SCAPER: variants seen among roughly 807,000 people sequenced by gnomAD.
SCAPER encodes the protein S-phase cyclin A associated protein in the ER.
SCAPER carries 98 observed loss-of-function variants against 182.2 expected under a neutral mutation model. The ratio of observed to expected loss-of-function variants is 0.54; its 90% CI spans 0.46 to 0.64. The LOEUF is 0.64. SCAPER is among the 30% of genes least tolerant of loss of function. The pLI is 0.00. For synonymous variants in SCAPER, 605 were observed against 564.6 expected, an observed-to-expected ratio of 1.07 and a Z score of -1.01; for missense variants, 1,432 against 1,690.0, an observed-to-expected ratio of 0.85 and a Z score of 2.68.
At chr15:76,416,906 A>G (rs1477437446) in intron 26 of SCAPER, among the ~76,000 whole-genome samples, 2 of 152,154 alleles carry the variant, frequency 1.3e-5, no homozygotes, top group African/African-American at 2.4e-5. Flanking sequence ...AGTGAATTAA[A>G]AAAGTATATG....
At chr15:76,500,243 A>C (rs963521466) in intron 24 of SCAPER, among the ~76,000 whole-genome samples, 3 of 152,156 alleles carry the variant, frequency 2.0e-5, no homozygotes, top group African/African-American at 7.2e-5. Flanking sequence ...TGTATGAAAA[A>C]CTGTGTCCAC....
intron 21 of SCAPER, among the ~76,000 whole-genome samples, chr15:76,652,367 C>CATATATATATAT (rs1226261626): frequency 8.4e-5 from 2 of 23,868 alleles, no homozygotes; most frequent in Non-Finnish European, 1.3e-4. Context: ...CACACACACA[C>CATATATATATAT]ACACATATAT....
At chr15:76,459,519 T>C (rs904219968) in intron 25 of SCAPER, among the ~76,000 whole-genome samples, 5 of 146,420 alleles carry the variant, frequency 3.4e-5, no homozygotes, top group African/African-American at 1.3e-4. Context: ...TGTCTTTTGC[T>C]CACTTTTTAA....
chr15:76,500,476 C>T (rs1218253290), intron 24 of SCAPER, among the ~76,000 whole-genome samples: 2 of 152,184 alleles, frequency 1.3e-5, no homozygotes, highest in African/African-American at 4.8e-5. Context: ...TGAACATCTA[C>T]TGCTGCCTGG....
intron 20 of SCAPER, among the ~76,000 whole-genome samples, chr15:76,669,174 CTCA>C (rs2056834544): frequency 1.3e-5 from 2 of 151,856 alleles, no homozygotes; most frequent in African/African-American, 4.8e-5. Context: ...CAGAGTTGTG[CTCA>C]CTTTCCAAAT....
intron 5 of SCAPER, among the ~76,000 whole-genome samples, chr15:76,819,468 G>A (rs948659704): frequency 4.6e-5 from 7 of 152,158 alleles, no homozygotes; most frequent in Admixed American, 1.3e-4. Flanking sequence ...TGATACCCAG[G>A]CAAACAGGGT....
intron 15 of SCAPER, 144 bp from the exon 16 acceptor site, chr15:76,733,528 C>T (rs555940228): frequency 8.8e-6 from 8 of 908,414 alleles, no homozygotes; most frequent in South Asian, 8.1e-5. Context: ...GAAGGCGGAT[C>T]ACCTGAAGTT....
intron 23 of SCAPER, chr15:76,567,500 T>C (rs141444245): frequency 1.4e-4 from 43 of 314,100 alleles, no homozygotes; most frequent in African/African-American, 7.7e-4. Context: ...ATCACAAACA[T>C]TGTCTGTATG....
chr15:76,450,435 C>T (rs141338317), intron 25 of SCAPER, among the ~76,000 whole-genome samples: 62 of 152,230 alleles, frequency 4.1e-4, no homozygotes, highest in African/African-American at 1.4e-3. Context: ...ACATTGCTGC[C>T]TTTTGGAAAG....
intron 5 of SCAPER, among the ~76,000 whole-genome samples, chr15:76,806,766 T>C (rs7178250): frequency 0.34 from 52,124 of 152,048 alleles, 9,223 homozygotes; most frequent in East Asian, 0.55. Context: ...ATAGTTTGTG[T>C]GTACATCTTA....
intron 20 of SCAPER, among the ~76,000 whole-genome samples, chr15:76,668,691 A>C (rs2056797684): frequency 6.6e-6 from 1 of 152,136 alleles, no homozygotes; most frequent in South Asian, 2.1e-4. Context: ...TTACATAATC[A>C]TTTTCAATTT....
At chr15:76,657,346 G>A (rs2055734492) in intron 21 of SCAPER, among the ~76,000 whole-genome samples, 1 of 151,838 alleles carries the variant, frequency 6.6e-6, no homozygotes, top group Non-Finnish European at 1.5e-5. Flanking sequence ...AAGATTGAAT[G>A]AGGAAGAAAT....
intron 2 of SCAPER, among the ~76,000 whole-genome samples, chr15:76,880,292 TAAATGGGCACA>T (rs748851201): frequency 7.0e-4 from 106 of 152,298 alleles, no homozygotes; most frequent in Middle Eastern, 6.8e-3. Context: ...TGTCCTAAAA[TAAATGGGCACA>T]GACAAAAGTG....
chr15:76,634,116 C>T (rs546102872), intron 21 of SCAPER, among the ~76,000 whole-genome samples: 5 of 152,346 alleles, frequency 3.3e-5, no homozygotes, highest in Admixed American at 2.0e-4. Flanking sequence ...GCCCTGGTGG[C>T]GTGGGCTCAT....
At chr15:76,854,502 A>T (rs2071119420) in intron 4 of SCAPER, among the ~76,000 whole-genome samples, 1 of 152,194 alleles carries the variant, frequency 6.6e-6, no homozygotes, top group Admixed American at 6.5e-5. Flanking sequence ...CATGAATAGG[A>T]AGAATCAATA....
intron 21 of SCAPER, among the ~76,000 whole-genome samples, chr15:76,660,368 C>T (rs1420661204): frequency 6.6e-6 from 1 of 151,952 alleles, no homozygotes; most frequent in African/African-American, 2.4e-5. Context: ...GTAAAGCTGC[C>T]CAAATACCCC....
intron 4 of SCAPER, among the ~76,000 whole-genome samples, chr15:76,842,424 TA>T (rs1347938202): frequency 6.6e-6 from 1 of 152,220 alleles, no homozygotes; most frequent in South Asian, 2.1e-4. Context: ...GATGGTTTTA[TA>T]AGGTGATCTT....
intron 23 of SCAPER, among the ~76,000 whole-genome samples, chr15:76,518,804 G>C (rs2042633824): frequency 6.6e-6 from 1 of 152,214 alleles, no homozygotes; most frequent in African/African-American, 2.4e-5. Context: ...ACATTGTTGA[G>C]CTTCTGTTCT....
chr15:76,539,902 T>C (rs942336055), intron 23 of SCAPER, among the ~76,000 whole-genome samples: 8 of 152,190 alleles, frequency 5.3e-5, no homozygotes, highest in Middle Eastern at 3.4e-3. Context: ...TAAGTCCAAG[T>C]CCATAATGGT....
Sources: allele counts gnomAD v4.1 joint callset (sites outside exome capture counted in the v4.1 genomes callset), GRCh38; gene constraint gnomAD v4.1.1; transcripts MANE v1.5; gene names NCBI Gene and HGNC (gene_info 2026-07-23, HGNC 2026-07-21).